Variants in TMEM255B observed in about 807,000 individuals in gnomAD.
TMEM255B encodes the protein transmembrane protein 255B.
In TMEM255B, 35 loss-of-function variants were observed where a neutral mutation model predicts 34.5. The observed-to-expected ratio is 1.01, with a 90% CI of 0.77 to 1.34. The LOEUF (loss-of-function observed/expected upper bound fraction) is 1.34, where lower values mean the gene tolerates loss of function less well. Among genes scored for constraint, TMEM255B ranks in the 40% most tolerant of loss-of-function variants. The pLI, the probability that TMEM255B is intolerant of heterozygous loss-of-function variation, is 0.00. For missense variants in TMEM255B, 432 were observed against 433.2 expected, an observed-to-expected ratio of 1.00 and a Z score of 0.02; for synonymous variants, 206 against 201.2, an observed-to-expected ratio of 1.02 and a Z score of -0.20.
rs1329037562 is a variant in TMEM255B, at chr13:113,813,097, G to T, written c.*1194G>T. 6 of 149,246 alleles carry T rather than the reference G, an allele frequency of 4.0e-5. No homozygotes were observed. The highest frequency in any genetic ancestry group is 1.5e-4 in the African/African-American group (6 of 40,678). 9.2% of individuals were successfully genotyped at this position (149,246 alleles called of 1,614,324 possible). ...AAGTAGCCGAAGTCTCTTGAAAAGT[G>T]TTGGATGTGGGGAGAGGCTTTCTCT... is the stretch of plus-strand genomic sequence containing the variant. On this transcript the variant is annotated 3_prime_UTR_variant, in exon 9 of 9. Coordinates refer to ENST00000375353, the MANE Select transcript of TMEM255B (RefSeq NM_182614.4).
At chr13:113,800,247 C>CTG (rs1365681757) in intron 5 of TMEM255B, among the ~76,000 whole-genome samples, 10 of 105,800 alleles carry the variant, frequency 9.5e-5, no homozygotes, top group African/African-American at 1.5e-4. Flanking sequence ...GGGAGGCATC[C>CTG]TGTGTGTGTG....
Position 113,800,816 on chromosome 13 carries a change from C to T in TMEM255B, c.424-11C>T, listed in dbSNP as rs1300703957. 1 of 1,600,684 alleles carries T rather than the reference C, an allele frequency of 6.2e-7. No individual in the cohort carries two copies. The highest frequency in any genetic ancestry group is 1.3e-5 in the African/African-American group (1 of 74,776). On this transcript the variant is annotated splice_polypyrimidine_tract_variant and intron_variant, in intron 5 of 8. Transcript: ENST00000375353. ...ACCGGCATGTGACCTGACAAGGCCTCTCTGCCCCAGGTCACCTGTCACTCC... is the reference window on the plus strand; with the variant it reads ...ACCGGCATGTGACCTGACAAGGCCTTTCTGCCCCAGGTCACCTGTCACTCC...
At position 113,805,059 on chromosome 13, in the gene TMEM255B, C is replaced by A; in HGVS notation, c.813+31C>A. 1.9e-6 allele frequency: 3 copies of A among 1,571,246 alleles called. No homozygotes were observed. The South Asian group carries it at 3.4e-5, about 18-fold the overall frequency. On this transcript the variant is annotated intron_variant, in intron 8 of 8. Transcript: ENST00000375353. ...GCCAGCATCACCTGCTGGAGTTGGA[C>A]GCGCTGGTCACAGGCAGTGGGATGG...
intron 8 of TMEM255B, among the ~76,000 whole-genome samples, chr13:113,808,131 C>T (rs1191258765): frequency 2.0e-5 from 3 of 152,066 alleles, no homozygotes; most frequent in African/African-American, 7.2e-5. Flanking sequence ...CCTGCTTCCA[C>T]AGAGATGGAG....
intron 3 of TMEM255B, among the ~76,000 whole-genome samples, chr13:113,783,774 G>A (rs919118028): frequency 2.7e-4 from 41 of 152,108 alleles, no homozygotes; most frequent in African/African-American, 9.7e-4. Context: ...CAGGGTGGAG[G>A]GTTTGGTCGG....
intron 3 of TMEM255B, among the ~76,000 whole-genome samples, chr13:113,792,214 A>G (rs1056509471): frequency 2.6e-5 from 4 of 152,262 alleles, no homozygotes; most frequent in African/African-American, 9.6e-5. Context: ...AGGAAATTTC[A>G]GTTAGGTGTA....
chr13:113,803,333 G>T (rs1434718822), intron 7 of TMEM255B: 1 of 148,292 alleles, frequency 6.7e-6, no homozygotes, highest in Non-Finnish European at 1.5e-5. Context: ...AGGCCCTCTT[G>T]TGAGTTTAAC....
chr13:113,794,590 C>T (rs189014117), intron 3 of TMEM255B, among the ~76,000 whole-genome samples: 2 of 151,874 alleles, frequency 1.3e-5, no homozygotes, highest in African/African-American at 2.4e-5. Context: ...ATGGAGACTC[C>T]CTGCTAGTTT....
At chr13:113,793,538 C>G (rs1436217583) in intron 3 of TMEM255B, among the ~76,000 whole-genome samples, 3 of 152,186 alleles carry the variant, frequency 2.0e-5, no homozygotes, top group Non-Finnish European at 4.4e-5. Context: ...CCGTGCCGGT[C>G]TGGGACCCAC....
chr13:113,776,519 A>G (rs975638968), intron 3 of TMEM255B, among the ~76,000 whole-genome samples: 5 of 152,166 alleles, frequency 3.3e-5, no homozygotes, highest in African/African-American at 4.8e-5. Flanking sequence ...CCGAGCTGTG[A>G]GCTGTGCACG....
At chr13:113,789,642 C>T (rs975838497) in intron 3 of TMEM255B, among the ~76,000 whole-genome samples, 3 of 152,230 alleles carry the variant, frequency 2.0e-5, no homozygotes, top group East Asian at 1.9e-4. Context: ...GTTGAAGCAC[C>T]ATGAGAAGCT....
At chr13:113,805,958 G>A (rs763963237) in intron 8 of TMEM255B, among the ~76,000 whole-genome samples, 5 of 152,240 alleles carry the variant, frequency 3.3e-5, no homozygotes, top group African/African-American at 4.8e-5. Context: ...TGAAGCTGCA[G>A]ATTAAAGCAG....
intron 2 of TMEM255B, chr13:113,768,780 G>C: frequency 2.1e-6 from 1 of 473,750 alleles, no homozygotes; most frequent in Admixed American, 2.3e-5. Context: ...GTGGTGCTTG[G>C]TGGCCCTGGG....
chr13:113,763,604 C>A (rs372416798), intron 1 of TMEM255B, among the ~76,000 whole-genome samples: 165 of 152,322 alleles, frequency 1.1e-3, no homozygotes, highest in African/African-American at 3.9e-3. Flanking sequence ...TTAAAAAGTA[C>A]ATAGTGCATT....
At chr13:113,763,991 C>T (rs879470402) in intron 1 of TMEM255B, among the ~76,000 whole-genome samples, 7 of 152,226 alleles carry the variant, frequency 4.6e-5, no homozygotes, top group East Asian at 1.9e-4. Flanking sequence ...GCAGGTGCAG[C>T]GCCCATCCCC....
At chr13:113,784,382 T>C (rs947152609) in intron 3 of TMEM255B, among the ~76,000 whole-genome samples, 1 of 152,150 alleles carries the variant, frequency 6.6e-6, no homozygotes, top group African/African-American at 2.4e-5. Flanking sequence ...GATCTGACTT[T>C]CCTGGGTACC....
intron 2 of TMEM255B, among the ~76,000 whole-genome samples, chr13:113,767,491 GT>G (rs796351794): frequency 6.6e-6 from 1 of 151,978 alleles, no homozygotes; most frequent in South Asian, 2.1e-4. Context: ...TTGAGTGGTT[GT>G]TTTTTTTGGT....
intron 6 of TMEM255B, among the ~76,000 whole-genome samples, chr13:113,801,436 C>A (rs1171440146): frequency 6.6e-6 from 1 of 152,228 alleles, no homozygotes; most frequent in Non-Finnish European, 1.5e-5. Flanking sequence ...CCAGTTGCCG[C>A]TCTTTGCCAC....
chr13:113,793,130 G>C (rs914975062), intron 3 of TMEM255B, among the ~76,000 whole-genome samples: 1 of 152,228 alleles, frequency 6.6e-6, no homozygotes, highest in Non-Finnish European at 1.5e-5. Context: ...GTGGAGGGGG[G>C]ATGCGAGGGT....
Sources: allele counts gnomAD v4.1 joint callset (sites outside exome capture counted in the v4.1 genomes callset), GRCh38; gene constraint gnomAD v4.1.1; transcripts MANE v1.5; gene names NCBI Gene and HGNC (gene_info 2026-07-23, HGNC 2026-07-21).